Variants in BMP5 observed in about 807,000 individuals in gnomAD.
BMP5 encodes the protein bone morphogenetic protein 5.
A neutral mutation model predicts 46.6 loss-of-function variants in BMP5; 23 were observed. That is an observed-to-expected ratio of 0.49 (90% CI 0.35 to 0.70). The LOEUF (loss-of-function observed/expected upper bound fraction) is 0.70. BMP5 is among the 30% of genes least tolerant of loss of function. BMP5 has a pLI of 0.00. For synonymous variants in BMP5, 204 were observed against 191.9 expected (o/e 1.06, Z -0.52); for missense variants, 545 against 565.6 (o/e 0.96, Z 0.37).
chr6:55,833,111 G>T (rs766702196), intron 1 of BMP5, among the ~76,000 whole-genome samples: 1 of 152,068 alleles, frequency 6.6e-6, no homozygotes, highest in African/African-American at 2.4e-5. Context: ...GCAAGATCCT[G>T]TCTCTAAGAA....
chr6:55,817,612 A>G (rs1475621359), intron 2 of BMP5, among the ~76,000 whole-genome samples: 1 of 146,422 alleles, frequency 6.8e-6, no homozygotes, highest in Non-Finnish European at 1.5e-5. Context: ...GGGTGGGAGG[A>G]GGGGGGAGGG....
chr6:55,832,787 T>A (rs1776696588), intron 1 of BMP5, among the ~76,000 whole-genome samples: 1 of 152,098 alleles, frequency 6.6e-6, no homozygotes, highest in Admixed American at 6.6e-5. Context: ...ATTCTGTGTC[T>A]CACTTTTCCT....
chr6:55,794,244 G>T, intron 3 of BMP5, 35 bp downstream of exon 3: 1 of 1,611,930 alleles, frequency 6.2e-7, no homozygotes, highest in Non-Finnish European at 8.5e-7. Flanking sequence ...TGTCAAACAA[G>T]CTTCACAAAA....
chr6:55,814,678 G>A (rs1188571670), intron 2 of BMP5, among the ~76,000 whole-genome samples: 1 of 152,154 alleles, frequency 6.6e-6, no homozygotes, highest in Non-Finnish European at 1.5e-5. Context: ...AAAAGGGGGA[G>A]TACAGAAAGT....
intron 3 of BMP5, among the ~76,000 whole-genome samples, chr6:55,774,453 C>T (rs949022774): frequency 6.6e-6 from 1 of 151,884 alleles, no homozygotes; most frequent in Non-Finnish European, 1.5e-5. Flanking sequence ...ATTCTTCCAC[C>T]ACAGAATACC....
chr6:55,779,557 C>T lies in BMP5; in HGVS notation c.833-5314G>A, dbSNP rs114804387. Among the ~76,000 whole-genome samples the T allele has an allele frequency of 3.6e-3, 552 of 152,016 alleles. 2 individuals are homozygous for T. The highest frequency in any genetic ancestry group is 0.013 in the African/African-American group (530 of 41,488). ...CTTTTTAGAAACTGATCATTTAAAA[C>T]GTACAGAATTCACCACCCAGCATAC... On this transcript the variant is annotated intron_variant, in intron 3 of 6. Coordinates refer to ENST00000370830, the MANE Select transcript of BMP5 (RefSeq NM_021073.4).
intron 1 of BMP5, among the ~76,000 whole-genome samples, chr6:55,861,953 C>T (rs779316449): frequency 1.1e-4 from 17 of 152,196 alleles, no homozygotes; most frequent in Non-Finnish European, 2.1e-4. Flanking sequence ...ACTTCAGGGT[C>T]TCAATTTCTT....
intron 2 of BMP5, among the ~76,000 whole-genome samples, chr6:55,807,947 C>A (rs142598455): frequency 6.6e-6 from 1 of 152,068 alleles, no homozygotes. Context: ...AGGGTCTCAC[C>A]CAGTTGGATG....
chr6:55,819,999 C>T, intron 1 of BMP5, 152 bp from the exon 2 acceptor site: 1 of 707,872 alleles, frequency 1.4e-6, no homozygotes, highest in East Asian at 2.7e-5. Flanking sequence ...AACGTGTTTC[C>T]AGTTAAAGGA....
rs1582128627 is a variant in BMP5 at position 55,861,635 on chromosome 6, C to A, written c.490+12741G>T. 2.0e-5 allele frequency among the ~76,000 whole-genome samples: 3 copies of A among 152,304 alleles called. No individual in the cohort carries two copies. The South Asian group carries it at 6.2e-4, about 32-fold the overall frequency. ...TTTGCCTCCTTTGGAAGGCCAGCAA[C>A]ACAACTCATCTATCAAAAGCCCGTA... On this transcript the variant is annotated intron_variant, in intron 1 of 6. Transcript: ENST00000370830.
rs200061411 is a variant in BMP5, at chr6:55,874,913, T to TAA, written c.-50_-49dup. Reference sequence around the variant, plus strand: ...ATATTTTTAGTCCTTCTTGTCCTCTTAAAAAAAAAAAAAACCTAAGGTTCT... The same window carrying TAA: ...ATATTTTTAGTCCTTCTTGTCCTCTTAAAAAAAAAAAAAAAACCTAAGGTTCT... On this transcript the variant is annotated 5_prime_UTR_variant, in exon 1 of 7. Coordinates refer to ENST00000370830, the MANE Select transcript of BMP5 (RefSeq NM_021073.4). 4.1e-3 allele frequency: 5,627 copies of TAA among 1,358,024 alleles called. 1 individual carries two copies. The highest frequency in any genetic ancestry group is 0.011 in the East Asian group (453 of 40,982). 84.1% of individuals were successfully genotyped at this position (1,358,024 alleles called of 1,614,324 possible).
Position 55,754,647 on chromosome 6 carries a change from A to T in BMP5, c.*886T>A, listed in dbSNP as rs943396532. The T allele has an allele frequency of 3.9e-5, 6 of 152,056 alleles. No individual in the cohort carries two copies. In the East Asian group the frequency reaches 1.2e-3, roughly 30 times the overall value. The allele number at this position is 152,056 out of a possible 1,614,324, so 9.4% of individuals were successfully genotyped here. On this transcript the variant is annotated 3_prime_UTR_variant, in exon 7 of 7. Transcript: ENST00000370830. ...TCTTCTGCTCTTGTACATTTTACGC[A>T]TGCAGTGACTCTTGCCTGTGGGGAG... is the stretch of plus-strand genomic sequence containing the variant.
chr6:55,821,490 A>G (rs754816220), intron 1 of BMP5, among the ~76,000 whole-genome samples: 5 of 152,070 alleles, frequency 3.3e-5, no homozygotes, highest in Non-Finnish European at 5.9e-5. Flanking sequence ...CCCAGTTGGA[A>G]GCATTTTTGT....
At chr6:55,779,366 CT>C (rs747244780) in intron 3 of BMP5, among the ~76,000 whole-genome samples, 18 of 152,008 alleles carry the variant, frequency 1.2e-4, no homozygotes, top group Non-Finnish European at 2.1e-4. Context: ...TCAAAAATGG[CT>C]CTTGCAGTAT....
In BMP5 at chr6:55,858,900, A is replaced by ATTT. The variant is rs1457444246; in HGVS notation, c.490+15475_490+15476insAAA. Among the ~76,000 whole-genome samples the ATTT allele has an allele frequency of 5.3e-5, 8 of 152,194 alleles. No individual in the cohort carries two copies. The South Asian group carries it at 1.2e-3, about 24-fold the overall frequency. On this transcript the variant is annotated intron_variant, in intron 1 of 6. Coordinates refer to ENST00000370830, the MANE Select transcript of BMP5 (RefSeq NM_021073.4). ...CCAAACACTGCATGTTTTCACTCATAAGTGGGAATTGAACAATGAGAACAT... is the reference window on the plus strand; with the variant it reads ...CCAAACACTGCATGTTTTCACTCATATTTAGTGGGAATTGAACAATGAGAACAT...
At chr6:55,777,963 T>G (rs1013646218) in intron 3 of BMP5, among the ~76,000 whole-genome samples, 1 of 151,994 alleles carries the variant, frequency 6.6e-6, no homozygotes, top group Non-Finnish European at 1.5e-5. Context: ...AGTTCCACAT[T>G]GGGTCAGGAT....
At chr6:55,833,988 G>T (rs1776725122) in intron 1 of BMP5, among the ~76,000 whole-genome samples, 1 of 151,940 alleles carries the variant, frequency 6.6e-6, no homozygotes, top group Admixed American at 6.6e-5. Context: ...TTTAGTAAAA[G>T]AAAAAAGAGG....
chr6:55,779,212 T>G (rs2127523319), intron 3 of BMP5, among the ~76,000 whole-genome samples: 2 of 152,204 alleles, frequency 1.3e-5, no homozygotes, highest in South Asian at 2.1e-4. Context: ...ATTTGAGGAT[T>G]TATCAGAGTC....
rs1774570853 is a variant in BMP5, at chr6:55,755,617, G to A, written c.1281C>T (p.Ile427=). 4 of 1,612,292 alleles carry A rather than the reference G, an allele frequency of 2.5e-6. No individual in the cohort carries two copies. The highest frequency in any genetic ancestry group is 3.4e-6 in the Non-Finnish European group (4 of 1,178,764). The change falls in exon 7 of 7, where the codon ATC becomes ATT. Residue 427 remains isoleucine, a synonymous_variant. Coordinates refer to ENST00000370830, the MANE Select transcript of BMP5 (RefSeq NM_021073.4). ...PCCAPTKLNA[I]SVLYFDDSSN... ...AGCTGTCATCAAAGTACAGAACAGA[G>A]ATGGCATTTAATTTGGTTGGAGCAC...
Sources: allele counts gnomAD v4.1 joint callset (sites outside exome capture counted in the v4.1 genomes callset), GRCh38; gene constraint gnomAD v4.1.1; transcripts MANE v1.5; gene names NCBI Gene and HGNC (gene_info 2026-07-23, HGNC 2026-07-21).